WDR11: variants seen among roughly 807,000 people sequenced by gnomAD.
WDR11 encodes WD repeat-containing protein 11.
A neutral mutation model predicts 151.2 loss-of-function variants in WDR11; 83 were observed. That is an observed-to-expected ratio of 0.55 (90% CI 0.46 to 0.66). The LOEUF (loss-of-function observed/expected upper bound fraction) is 0.66, where lower values mean the gene tolerates loss of function less well. Among genes scored for constraint, WDR11 ranks in the 30% least tolerant of loss-of-function variants. The probability of loss-of-function intolerance (pLI) is 0.00; values close to 1 mark genes in which losing one functional copy is unlikely to be tolerated. For synonymous variants in WDR11, 484 were observed against 533.1 expected (o/e 0.91, Z 1.27); for missense variants, 1,301 against 1,480.9 (o/e 0.88, Z 1.99).
intron 2 of WDR11, among the ~76,000 whole-genome samples, chr10:120,855,424 C>CA (rs1376097806): frequency 1.3e-5 from 2 of 151,186 alleles, no homozygotes; most frequent in Non-Finnish European, 3.0e-5. Flanking sequence ...ACATGATTTG[C>CA]AAATATTTTC....
chr10:120,853,022 G>T (rs1845832892), intron 2 of WDR11, among the ~76,000 whole-genome samples: 1 of 151,578 alleles, frequency 6.6e-6, no homozygotes, highest in South Asian at 2.1e-4. Context: ...GAAAACAGAG[G>T]AGCTGCATAT....
intron 16 of WDR11, among the ~76,000 whole-genome samples, chr10:120,887,840 G>C (rs1422365029): frequency 2.0e-5 from 3 of 152,076 alleles, no homozygotes; most frequent in Non-Finnish European, 4.4e-5. Context: ...TCTCTTCAAA[G>C]GCAACTTCTT....
chr10:120,890,151 CTTTA>C (rs1294538036), intron 18 of WDR11, 142 bp downstream of exon 18: 3 of 644,124 alleles, frequency 4.7e-6, no homozygotes, highest in Non-Finnish European at 8.4e-6. Flanking sequence ...ATTTTCTTTA[CTTTA>C]CAGTATTTGT....
At chr10:120,863,496 A>G (rs970830053) in intron 5 of WDR11, among the ~76,000 whole-genome samples, 1 of 152,246 alleles carries the variant, frequency 6.6e-6, no homozygotes, top group African/African-American at 2.4e-5. Context: ...CAATAGATCC[A>G]ATAATGTAAG....
chr10:120,905,276 G>A (rs1847989552), intron 25 of WDR11, 43 bp from the exon 26 acceptor site: 1 of 1,590,294 alleles, frequency 6.3e-7, no homozygotes, highest in Non-Finnish European at 8.6e-7. Context: ...TCTCAAAGAA[G>A]GAGCTGCAGT....
intron 11 of WDR11, among the ~76,000 whole-genome samples, chr10:120,877,598 G>A (rs1279863177): frequency 6.6e-6 from 1 of 152,112 alleles, no homozygotes; most frequent in Non-Finnish European, 1.5e-5. Flanking sequence ...CAGCTTGGGT[G>A]ACAGTGAGAC....
chr10:120,900,315 G>C (rs574710863), intron 20 of WDR11, among the ~76,000 whole-genome samples, 178 bp downstream of exon 20: 1 of 152,240 alleles, frequency 6.6e-6, no homozygotes, highest in Admixed American at 6.5e-5. Flanking sequence ...CTTTGTGGAA[G>C]TGTGGGTCAG....
Position 120,871,218 on chromosome 10 carries a change from G to A in WDR11, c.1343G>A (p.Arg448Gln), listed in dbSNP as rs144440500. The A allele has an allele frequency of 3.1e-4, 504 of 1,613,986 alleles. No homozygotes were observed. Among genetic ancestry groups the A allele is most frequent in the Non-Finnish European group, 3.9e-4 (460 of 1,180,022 alleles). The change falls in exon 10 of 29, where the codon CGG becomes CAG. Residue 448 changes from arginine (R) to glutamine (Q), a missense_variant. By Grantham distance (43) the Arg-to-Gln change is conservative (BLOSUM62 1). Coordinates refer to ENST00000263461, the MANE Select transcript of WDR11 (RefSeq NM_018117.12). ...GEEHPRGSIL[R>Q]EVHLKFLLTG... The stretch of plus-strand genomic sequence containing the variant: ...GAACATCCCAGAGGTTCAATTCTGC[G>A]GGAAGTGCACCTCAAGTTCCTGCTG...
At chr10:120,868,220 G>A (rs1272792599) in intron 9 of WDR11, among the ~76,000 whole-genome samples, 2 of 152,110 alleles carry the variant, frequency 1.3e-5, no homozygotes, top group African/African-American at 4.8e-5. Context: ...TTTGGAGGCC[G>A]AGGCGGGAGG....
chr10:120,873,791 C>A, intron 10 of WDR11, 48 bp from the exon 11 acceptor site: 1 of 1,297,548 alleles, frequency 7.7e-7, no homozygotes, highest in Non-Finnish European at 1.1e-6. Flanking sequence ...TTGCAAAGTG[C>A]TGGAACTCCC....
chr10:120,873,666 G>A (rs1310157912), intron 10 of WDR11, among the ~76,000 whole-genome samples, 173 bp from the exon 11 acceptor site: 1 of 152,114 alleles, frequency 6.6e-6, no homozygotes, highest in Non-Finnish European at 1.5e-5. Context: ...TTTTTATAAG[G>A]AAGTGGACCA....
chr10:120,873,638 GTGAGGT>G (rs1846626579), intron 10 of WDR11, among the ~76,000 whole-genome samples, 195 bp from the exon 11 acceptor site: 1 of 152,188 alleles, frequency 6.6e-6, no homozygotes, highest in Admixed American at 6.5e-5. Flanking sequence ...TTTTGAGCAC[GTGAGGT>G]TAGGCCCATT....
At chr10:120,891,905 C>A (rs952544620) in intron 19 of WDR11, among the ~76,000 whole-genome samples, 1 of 152,218 alleles carries the variant, frequency 6.6e-6, no homozygotes, top group Admixed American at 6.5e-5. Context: ...AGCCAGAATT[C>A]AAGACCTACA....
chr10:120,864,463 A>T (rs1043718255), intron 5 of WDR11, among the ~76,000 whole-genome samples: 2 of 152,200 alleles, frequency 1.3e-5, no homozygotes, highest in African/African-American at 4.8e-5. Flanking sequence ...ACAATCTCTT[A>T]AAATCCTTAT....
Position 120,866,736 on chromosome 10 carries a change from G to C in WDR11, c.1162G>C (p.Ala388Pro). The change falls in exon 8 of 29, where the codon GCA becomes CCA. Residue 388 changes from alanine (A) to proline (P), a missense_variant. Transcript: ENST00000263461. ...GRVMIWELKS[A>P]VCNRNSRNSS... ...GGTCATGATATGGGAACTCAAGTCT[G>C]CAGTTTGTAATCGAAATTCACGGAA... 2 of 1,614,146 alleles carry C rather than the reference G, an allele frequency of 1.2e-6. No individual in the cohort carries two copies. The highest frequency in any genetic ancestry group is 1.7e-6 in the Non-Finnish European group (2 of 1,180,006).
Position 120,852,580 on chromosome 10 carries a change from C to G in WDR11, c.143C>G (p.Ser48Cys). ...CATTCACTTGTGGTAGTGATTGATT[C>G]CATTACTGCCCAAACTCTTCAAGTT... is the stretch of plus-strand genomic sequence containing the variant. ...GCHSLVVVID[S>C]ITAQTLQVLE... Residue 48 changes from serine (S) to cysteine (C), a missense_variant, in exon 2 of 29, where the codon TCC becomes TGC. Physicochemically the swap from Ser to Cys is moderately radical, Grantham distance 112. Transcript: ENST00000263461. The G allele has an allele frequency of 6.2e-7, 1 of 1,613,988 alleles. No individual in the cohort carries two copies. Among genetic ancestry groups the G allele is most frequent in the Non-Finnish European group, 8.5e-7 (1 of 1,179,974 alleles).
At chr10:120,875,319 T>A (rs1410107993) in intron 11 of WDR11, among the ~76,000 whole-genome samples, 2 of 152,218 alleles carry the variant, frequency 1.3e-5, no homozygotes. Context: ...ATGATCTGCT[T>A]ATGAGTTCTG....
At chr10:120,867,548 C>T (rs1394161572) in intron 9 of WDR11, among the ~76,000 whole-genome samples, 1 of 152,226 alleles carries the variant, frequency 6.6e-6, no homozygotes, top group Admixed American at 6.5e-5. Flanking sequence ...TCCTTTCTGT[C>T]TGCTACTCCT....
At chr10:120,860,060 T>C (rs752105427) in intron 3 of WDR11, 49 bp from the exon 4 acceptor site, 1 of 1,609,862 alleles carries the variant, frequency 6.2e-7, no homozygotes, top group South Asian at 1.1e-5. Flanking sequence ...CCAAGGACTT[T>C]GGAGAGTGTG....
Sources: allele counts gnomAD v4.1 joint callset (sites outside exome capture counted in the v4.1 genomes callset), GRCh38; gene constraint gnomAD v4.1.1; transcripts MANE v1.5; gene names NCBI Gene and HGNC (gene_info 2026-07-23, HGNC 2026-07-21).